CDK5RAP2: variants seen among roughly 807,000 people sequenced by gnomAD.
The protein encoded by CDK5RAP2 is CDK5 regulatory subunit associated protein 2, also known as CDK5 regulatory subunit-associated protein 2.
A neutral mutation model predicts 232.9 loss-of-function variants in CDK5RAP2; 147 were observed. That is an observed-to-expected ratio of 0.63 (90% CI 0.55 to 0.72). The LOEUF is 0.72. Ranked by LOEUF, CDK5RAP2 falls within the 30% of genes least tolerant of loss-of-function variation. CDK5RAP2 has a pLI of 0.00. For missense variants in CDK5RAP2, 2,195 were observed against 2,231.5 expected (o/e 0.98, Z 0.33); for synonymous variants, 833 against 833.7 (o/e 1.00, Z 0.01).
intron 12 of CDK5RAP2, among the ~76,000 whole-genome samples, chr9:120,494,475 A>G (rs1272149432): frequency 6.6e-6 from 1 of 152,234 alleles, no homozygotes; most frequent in Non-Finnish European, 1.5e-5. Context: ...TTGAAAAGGC[A>G]CAGGAATCAA....
At chr9:120,482,995 C>T (rs1302134190) in intron 14 of CDK5RAP2, among the ~76,000 whole-genome samples, 4 of 152,172 alleles carry the variant, frequency 2.6e-5, no homozygotes, top group Non-Finnish European at 4.4e-5. Flanking sequence ...TAGATCTCCT[C>T]GGCACACAGG....
In CDK5RAP2 at chr9:120,562,755, T is replaced by C. The variant is rs185436760; in HGVS notation, c.195+5566A>G. Among the ~76,000 whole-genome samples, 10 of 152,156 alleles carry C rather than the reference T, an allele frequency of 6.6e-5. No homozygotes were observed. The East Asian group carries it at 1.5e-3, about 24-fold the overall frequency. ...AGGTATATCTCCTCTCCAGCCACTT[T>C]AGTAACAATAACCACAGTAGCCGCC... On this transcript the variant is annotated intron_variant, in intron 3 of 37. Transcript: ENST00000349780.
intron 25 of CDK5RAP2, among the ~76,000 whole-genome samples, chr9:120,430,430 C>A (rs2035211703): frequency 6.6e-6 from 1 of 150,408 alleles, no homozygotes; most frequent in South Asian, 2.1e-4. Flanking sequence ...AAACAAACAA[C>A]CCCATCAAAA....
At chr9:120,464,039 C>T (rs1184211123) in intron 18 of CDK5RAP2, among the ~76,000 whole-genome samples, 1 of 152,196 alleles carries the variant, frequency 6.6e-6, no homozygotes, top group Non-Finnish European at 1.5e-5. Flanking sequence ...TGCAAGCTGG[C>T]TTCTGTCCCC....
At chr9:120,395,591 C>A (rs567006619) in intron 35 of CDK5RAP2, among the ~76,000 whole-genome samples, 109 of 152,350 alleles carry the variant, frequency 7.2e-4, no homozygotes, top group Non-Finnish European at 1.3e-3. Context: ...TGGCACAGGC[C>A]GCTCTCTGCT....
Position 120,442,501 on chromosome 9 carries a change from CA to C in CDK5RAP2, c.3148+1118del, listed in dbSNP as rs562987011. 1.4e-3 allele frequency among the ~76,000 whole-genome samples: 217 copies of C among 152,218 alleles called. 1 individual carries two copies. The highest frequency in any genetic ancestry group is 4.4e-3 in the Admixed American group (67 of 15,294). Reference sequence around the variant, plus strand: ...TAAAAGGTGGAAGTTCAGGCAGATGCAATTCACATACAAAGTTCTGGAAGCA... The same window carrying C: ...TAAAAGGTGGAAGTTCAGGCAGATGCATTCACATACAAAGTTCTGGAAGCA... On this transcript the variant is annotated intron_variant, in intron 23 of 37. Coordinates refer to ENST00000349780, the MANE Select transcript of CDK5RAP2 (RefSeq NM_018249.6).
intron 14 of CDK5RAP2, among the ~76,000 whole-genome samples, chr9:120,478,981 G>C (rs1307628040): frequency 6.6e-6 from 1 of 151,962 alleles, no homozygotes; most frequent in African/African-American, 2.4e-5. Flanking sequence ...ATTTTAATTT[G>C]TCAATTATAA....
chr9:120,465,056 C>T (rs1309123614), intron 18 of CDK5RAP2, among the ~76,000 whole-genome samples: 1 of 152,318 alleles, frequency 6.6e-6, no homozygotes, highest in South Asian at 2.1e-4. Context: ...TTAAACTATG[C>T]CCCTTTGTCC....
Position 120,520,753 on chromosome 9 carries a change from A to ATATG in CDK5RAP2, c.1093-2109_1093-2108insCATA, listed in dbSNP as rs1463995769. Among the ~76,000 whole-genome samples, 42 of 120,514 alleles carry ATATG rather than the reference A, an allele frequency of 3.5e-4. 3 individuals are homozygous for ATATG. The East Asian group carries it at 9.5e-3, about 27-fold the overall frequency. 79.1% of individuals were successfully genotyped at this position (120,514 alleles called of 152,430 possible). A position where few individuals can be genotyped will look rare whatever the true frequency, so the allele number is the denominator to read the frequency against. The stretch of plus-strand genomic sequence containing the variant: ...ATATATGTATCATGTGATATCTCAT[A>ATATG]TCTCATGAGATATATCTCAGATATC... On this transcript the variant is annotated intron_variant, in intron 11 of 37. Coordinates refer to ENST00000349780, the MANE Select transcript of CDK5RAP2 (RefSeq NM_018249.6).
Position 120,528,932 on chromosome 9 carries a change from C to T in CDK5RAP2, c.826-135G>A, listed in dbSNP as rs149906486. The T allele has an allele frequency of 7.2e-4, 504 of 703,262 alleles. 2 individuals are homozygous for T. Among genetic ancestry groups the T allele is most frequent in the East Asian group, 7.2e-3 (267 of 37,260 alleles). The allele number at this position is 703,262 out of a possible 1,614,324, so 43.6% of individuals were successfully genotyped here. A position where few individuals can be genotyped will look rare whatever the true frequency, so the allele number is the denominator to read the frequency against. ...GTGGAACTCGTTAAAACAAGTGTCC[C>T]CTCCCTCTCTCCACCCCACCCAAAG... On this transcript the variant is annotated intron_variant, in intron 8 of 37. Coordinates refer to ENST00000349780, the MANE Select transcript of CDK5RAP2 (RefSeq NM_018249.6).
rs144183882 is a variant in CDK5RAP2 at position 120,529,906 on chromosome 9, T to A, written c.825+72A>T. On this transcript the variant is annotated intron_variant, in intron 8 of 37. Transcript: ENST00000349780. ...CTGTGTGTGAACCATGAGGACCGAA[T>A]GCGCATTCCATCTCCCACAGAGGAG... The A allele has an allele frequency of 9.5e-5, 135 of 1,417,188 alleles. No homozygotes were observed. In the African/African-American group the frequency reaches 1.8e-3, roughly 19 times the overall value. The allele number at this position is 1,417,188 out of a possible 1,614,324, so 87.8% of individuals were successfully genotyped here. A position where few individuals can be genotyped will look rare whatever the true frequency, so the allele number is the denominator to read the frequency against.
intron 36 of CDK5RAP2, among the ~76,000 whole-genome samples, chr9:120,392,543 G>C (rs1485946216): frequency 6.6e-6 from 1 of 152,202 alleles, no homozygotes; most frequent in Admixed American, 6.5e-5. Context: ...AGGGCCAAAG[G>C]CTGCTGAGGA....
chr9:120,557,652 G>A (rs1027674003), intron 3 of CDK5RAP2, among the ~76,000 whole-genome samples: 7 of 151,904 alleles, frequency 4.6e-5, no homozygotes, highest in East Asian at 1.9e-4. Flanking sequence ...CCAGCTACTC[G>A]AGTGGCTGAG....
At chr9:120,472,018 G>C (rs1284551565) in intron 15 of CDK5RAP2, 140 bp from the exon 16 acceptor site, 2 of 1,118,616 alleles carry the variant, frequency 1.8e-6, no homozygotes, top group Admixed American at 4.0e-5. Flanking sequence ...TTACTATAGA[G>C]AATTTTAAAT....
chr9:120,439,405 G>A lies in CDK5RAP2; in HGVS notation c.3716C>T (p.Pro1239Leu). 6.2e-7 allele frequency: 1 copy of A among 1,613,554 alleles called. No individual in the cohort carries two copies. The highest frequency in any genetic ancestry group is 8.5e-7 in the Non-Finnish European group (1 of 1,179,558). ...CGGCAGAGGTGGAACGTACCTGGGA[G>A]GTGAGAGATCTCTGAACTTATTCTG... ...NLQNKFRDLS[P>L]PRYDSLVQSQ... Residue 1239 changes from proline (P) to leucine (L), a missense_variant, in exon 24 of 38, where the codon CCT becomes CTT. Physicochemically the swap from Pro to Leu is moderately conservative, Grantham distance 98 (BLOSUM62 -3). Coordinates refer to ENST00000349780, the MANE Select transcript of CDK5RAP2 (RefSeq NM_018249.6).
At chr9:120,486,094 C>T (rs964713196) in intron 14 of CDK5RAP2, among the ~76,000 whole-genome samples, 1 of 152,156 alleles carries the variant, frequency 6.6e-6, no homozygotes, top group African/African-American at 2.4e-5. Context: ...GGAAAATAAA[C>T]CCTGGTCCAT....
At chr9:120,576,786 T>C (rs962277335) in intron 1 of CDK5RAP2, among the ~76,000 whole-genome samples, 1 of 151,358 alleles carries the variant, frequency 6.6e-6, no homozygotes, top group Non-Finnish European at 1.5e-5. Context: ...AATAAAAATA[T>C]CAGTGAAGGG....
chr9:120,538,494 T>C (rs2041489888), intron 6 of CDK5RAP2, among the ~76,000 whole-genome samples: 2 of 152,066 alleles, frequency 1.3e-5, no homozygotes, highest in Admixed American at 1.3e-4. Flanking sequence ...TGACATGCAG[T>C]GCCTAATAGA....
At chr9:120,454,798 A>G (rs1032384413) in intron 20 of CDK5RAP2, among the ~76,000 whole-genome samples, 2 of 152,232 alleles carry the variant, frequency 1.3e-5, no homozygotes, top group Non-Finnish European at 2.9e-5. Flanking sequence ...CAGACGGACC[A>G]CACAGGCACA....
Sources: allele counts gnomAD v4.1 joint callset (sites outside exome capture counted in the v4.1 genomes callset), GRCh38; gene constraint gnomAD v4.1.1; transcripts MANE v1.5; gene names NCBI Gene and HGNC (gene_info 2026-07-23, HGNC 2026-07-21).